Variants in ABCA13 observed in about 807,000 individuals in gnomAD.
The protein encoded by ABCA13 is ATP-binding cassette sub-family A member 13.
ABCA13 carries 476 observed loss-of-function variants against 478.7 expected under a neutral mutation model. That is an observed-to-expected ratio of 0.99 (90% CI 0.92 to 1.07). The LOEUF (loss-of-function observed/expected upper bound fraction) is 1.07. ABCA13 is among the 50% of genes least tolerant of loss of function. The pLI is 0.00. For synonymous variants in ABCA13, 2,252 were observed against 2,158.9 expected, an observed-to-expected ratio of 1.04 and a Z score of -1.20; for missense variants, 6,060 against 5,910.6, an observed-to-expected ratio of 1.03 and a Z score of -0.83.
At chr7:48,328,181 C>T (rs1298250341) in intron 27 of ABCA13, among the ~76,000 whole-genome samples, 9 of 152,152 alleles carry the variant, frequency 5.9e-5, no homozygotes, top group African/African-American at 2.2e-4. Context: ...GCTGGAAGTG[C>T]ACAGGCTCTG....
intron 57 of ABCA13, among the ~76,000 whole-genome samples, chr7:48,589,375 A>G (rs1042328874): frequency 1.4e-4 from 21 of 152,172 alleles, no homozygotes; most frequent in African/African-American, 4.8e-4. Context: ...AGGAGAACCA[A>G]CCTGACATGA....
intron 29 of ABCA13, among the ~76,000 whole-genome samples, chr7:48,339,183 G>A (rs1368435313): frequency 6.6e-6 from 1 of 152,120 alleles, no homozygotes; most frequent in Admixed American, 6.5e-5. Context: ...AAGGGTTTCG[G>A]ATCTGCCTTA....
At chr7:48,181,037 T>C (rs1171850467) in intron 1 of ABCA13, among the ~76,000 whole-genome samples, 1 of 152,236 alleles carries the variant, frequency 6.6e-6, no homozygotes, top group Non-Finnish European at 1.5e-5. Context: ...CTCAAATTAC[T>C]AACTCTTTTT....
intron 43 of ABCA13, among the ~76,000 whole-genome samples, chr7:48,461,434 C>T (rs886698671): frequency 6.6e-6 from 1 of 152,190 alleles, no homozygotes; most frequent in African/African-American, 2.4e-5. Flanking sequence ...CTCAATGTAA[C>T]TCGCCCATGG....
Position 48,602,760 on chromosome 7 carries a change from T to C in ABCA13, c.14744+7947T>C, listed in dbSNP as rs1288335824. On this transcript the variant is annotated intron_variant, in intron 58 of 61. Coordinates refer to ENST00000435803, the MANE Select transcript of ABCA13 (RefSeq NM_152701.5). ...AAGTGGTTTTTTTTTTCCAATTCTG[T>C]GAAGAAAGTCAGTGGTAGCTTGATG... Among the ~76,000 whole-genome samples, 5 of 152,220 alleles carry C rather than the reference T, an allele frequency of 3.3e-5. No homozygotes were observed. The South Asian group carries it at 1.0e-3, about 32-fold the overall frequency.
At chr7:48,185,983 A>C (rs1205912969) in intron 1 of ABCA13, among the ~76,000 whole-genome samples, 1 of 151,974 alleles carries the variant, frequency 6.6e-6, no homozygotes, top group Non-Finnish European at 1.5e-5. Context: ...TAAGAATGAC[A>C]ACTTTCCTTG....
Position 48,621,629 on chromosome 7 carries a change from T to C in ABCA13, c.14837+6252T>C, listed in dbSNP as rs140832685. 5.1e-3 allele frequency among the ~76,000 whole-genome samples: 770 copies of C among 152,362 alleles called. 3 individuals carry two copies. The highest frequency in any genetic ancestry group is 0.018 in the African/African-American group (732 of 41,582). On this transcript the variant is annotated intron_variant, in intron 59 of 61. Transcript: ENST00000435803. ...TCTCAAGCTCTAGATCTTCTTGTTA[T>C]AGTTCCTTAAATTATTTTTTTGATA...
At chr7:48,498,473 A>G (rs1830464523) in intron 48 of ABCA13, among the ~76,000 whole-genome samples, 2 of 152,160 alleles carry the variant, frequency 1.3e-5, no homozygotes, top group South Asian at 4.1e-4. Context: ...TTTGCACCCC[A>G]GAATCTTCCT....
chr7:48,541,563 T>C (rs1288350485), intron 55 of ABCA13, among the ~76,000 whole-genome samples: 3 of 152,036 alleles, frequency 2.0e-5, no homozygotes, highest in Non-Finnish European at 4.4e-5. Flanking sequence ...TTGCCGGAAG[T>C]CAAACTTCTA....
chr7:48,279,841 T>C lies in ABCA13; in HGVS notation c.8647T>C (p.Phe2883Leu), dbSNP rs2128776210. The C allele has an allele frequency of 2.5e-6, 4 of 1,573,314 alleles. No individual in the cohort carries two copies. Among genetic ancestry groups the C allele is most frequent in the Non-Finnish European group, 3.4e-6 (4 of 1,164,228 alleles). ...MIDFPYSFKP[F>L]FCLEKYLGGL... is the part of the protein sequence containing the mutation. ...TGACTTTCCTTATAGTTTCAAACCA[T>C]TTTTCTGTTTGGAGAAATACCTGGG... Residue 2883 changes from phenylalanine (F) to leucine (L), a missense_variant, in exon 18 of 62, where the codon TTT becomes CTT. By Grantham distance (22) the Phe-to-Leu change is conservative (BLOSUM62 0). This residue lies in a region of ABCA13 where 4,423 missense variants were observed against 4,309.1 expected (regional missense o/e 1.03). Transcript: ENST00000435803.
At chr7:48,554,909 T>C (rs1427067175) in intron 55 of ABCA13, among the ~76,000 whole-genome samples, 4 of 151,458 alleles carry the variant, frequency 2.6e-5, no homozygotes, top group Non-Finnish European at 5.9e-5. Context: ...GGTGTCCTTG[T>C]TGTGTTTTAG....
chr7:48,566,117 A>G (rs1376735633), intron 55 of ABCA13, among the ~76,000 whole-genome samples: 1 of 152,164 alleles, frequency 6.6e-6, no homozygotes, highest in Non-Finnish European at 1.5e-5. Flanking sequence ...TTCACGGTTT[A>G]CAGACTGCTG....
chr7:48,463,912 T>A (rs1435320865), intron 43 of ABCA13, among the ~76,000 whole-genome samples: 6 of 151,928 alleles, frequency 3.9e-5, no homozygotes, highest in Admixed American at 3.9e-4. Flanking sequence ...TCTTCCCAGA[T>A]GCCCCAGTGT....
chr7:48,584,287 A>G (rs952452053), intron 56 of ABCA13, among the ~76,000 whole-genome samples: 2 of 152,128 alleles, frequency 1.3e-5, no homozygotes, highest in Non-Finnish European at 2.9e-5. Context: ...CATTATCACA[A>G]TTTGTCATTT....
intron 40 of ABCA13, 59 bp from the exon 41 acceptor site, chr7:48,412,294 G>T: frequency 7.9e-7 from 1 of 1,265,864 alleles, no homozygotes; most frequent in Non-Finnish European, 1.1e-6. Context: ...GAAATCAATT[G>T]ATGTATATAT....
At chr7:48,459,678 T>C (rs1414326630) in intron 43 of ABCA13, among the ~76,000 whole-genome samples, 1 of 152,186 alleles carries the variant, frequency 6.6e-6, no homozygotes, top group East Asian at 1.9e-4. Flanking sequence ...AAGCCTTCTT[T>C]ATATCTGTAC....
rs767069702 is a variant in ABCA13 at position 48,298,262 on chromosome 7, G to A, written c.9200-104G>A. 213 of 1,089,966 alleles carry A rather than the reference G, an allele frequency of 2.0e-4. 1 individual carries two copies. Among genetic ancestry groups the A allele is most frequent in the Non-Finnish European group, 2.6e-4 (205 of 782,260 alleles). 67.5% of individuals were successfully genotyped at this position (1,089,966 alleles called of 1,614,324 possible). On this transcript the variant is annotated intron_variant, in intron 22 of 61. Coordinates refer to ENST00000435803, the MANE Select transcript of ABCA13 (RefSeq NM_152701.5). ...TAGTGATTTATGGGTTGAATGGTGT[G>A]AAAGAAACTATCCTAGCCAGGTTGT...
At chr7:48,611,455 C>T (rs1423990076) in intron 58 of ABCA13, among the ~76,000 whole-genome samples, 1 of 152,088 alleles carries the variant, frequency 6.6e-6, no homozygotes, top group African/African-American at 2.4e-5. Context: ...TTCACACTGC[C>T]ATAGAGAAAA....
At chr7:48,411,027 CT>C (rs1489688324) in intron 40 of ABCA13, among the ~76,000 whole-genome samples, 3 of 115,624 alleles carry the variant, frequency 2.6e-5, no homozygotes, top group South Asian at 2.5e-4. Flanking sequence ...TTCTTTCTTT[CT>C]TTCTTTCTTT....
Sources: gnomAD v4.1 joint callset for allele counts (sites outside exome capture counted in the v4.1 genomes callset) on GRCh38, gnomAD v4.1.1 for gene constraint, gnomAD v4.1.1 regional missense constraint, MANE v1.5 for transcripts, NCBI Gene and HGNC (gene_info 2026-07-23, HGNC 2026-07-21) for gene names.